The following LSM14A variants were observed in gnomAD, a reference collection of about 807,000 sequenced individuals.
The protein encoded by LSM14A is LSM14A mRNA processing body assembly factor.
Under a neutral mutation model 52.4 loss-of-function variants are expected in LSM14A, and 14 were observed. That is an observed-to-expected ratio of 0.27 (90% CI 0.18 to 0.42). The LOEUF (loss-of-function observed/expected upper bound fraction) is 0.42, where lower values mean the gene tolerates loss of function less well. Among genes scored for constraint, LSM14A ranks in the 10% least tolerant of loss-of-function variants. The probability of loss-of-function intolerance (pLI) is 1.00; values close to 1 mark genes in which losing one functional copy is unlikely to be tolerated. For synonymous variants in LSM14A, 185 were observed against 200.3 expected (o/e 0.92, Z 0.64); for missense variants, 417 against 581.8 (o/e 0.72, Z 2.91).
chr19:34,199,743 C>T (rs1568485181), intron 3 of LSM14A, among the ~76,000 whole-genome samples: 2 of 152,000 alleles, frequency 1.3e-5, no homozygotes, highest in African/African-American at 4.8e-5. Flanking sequence ...AACAAGGGCC[C>T]ATTGAAAAAC....
chr19:34,173,579 T>C (rs2068869441), intron 1 of LSM14A, among the ~76,000 whole-genome samples: 2 of 152,160 alleles, frequency 1.3e-5, no homozygotes, highest in Admixed American at 6.5e-5. Flanking sequence ...ACCCACAGTG[T>C]TAATATTTGG....
intron 8 of LSM14A, 142 bp downstream of exon 8, chr19:34,220,019 G>A (rs2145872384): frequency 1.5e-6 from 1 of 657,994 alleles, no homozygotes; most frequent in Middle Eastern, 4.2e-4. Flanking sequence ...ACTCAGGCTG[G>A]AGAGCAGCAG....
intron 1 of LSM14A, among the ~76,000 whole-genome samples, chr19:34,179,390 C>A (rs1030574699): frequency 3.9e-5 from 6 of 152,120 alleles, no homozygotes; most frequent in African/African-American, 1.4e-4. Context: ...TATTTGATTT[C>A]TTGCATTACT....
intron 1 of LSM14A, among the ~76,000 whole-genome samples, chr19:34,192,038 A>AT (rs559556355): frequency 6.8e-4 from 103 of 152,220 alleles, no homozygotes; most frequent in Middle Eastern, 3.4e-3. Context: ...GGCAGAGGAT[A>AT]CTTACGTATG....
intron 1 of LSM14A, among the ~76,000 whole-genome samples, chr19:34,186,885 C>G (rs1158915853): frequency 2.6e-5 from 4 of 152,112 alleles, no homozygotes; most frequent in Non-Finnish European, 4.4e-5. Context: ...ATTCAACAGA[C>G]TCGTTTCTTT....
chr19:34,196,589 C>T (rs2070855908), intron 2 of LSM14A, 45 bp from the exon 3 acceptor site: 11 of 1,529,768 alleles, frequency 7.2e-6, no homozygotes, highest in Middle Eastern at 2.2e-4. Context: ...TCGTTATATA[C>T]ATGTTGCTTA....
At chr19:34,217,619 G>GTTT (rs34613927) in intron 6 of LSM14A, among the ~76,000 whole-genome samples, 10 of 13,768 alleles carry the variant, frequency 7.3e-4, no homozygotes, top group East Asian at 2.4e-3. Flanking sequence ...CCCCCCCCGT[G>GTTT]TTTTTTTTTT....
intron 4 of LSM14A, among the ~76,000 whole-genome samples, chr19:34,210,605 T>A (rs559568452): frequency 6.6e-6 from 1 of 151,556 alleles, no homozygotes; most frequent in East Asian, 1.9e-4. Context: ...CTAAAGATTG[T>A]TTGTTTGTTT....
intron 3 of LSM14A, among the ~76,000 whole-genome samples, chr19:34,206,996 CAG>C (rs2071748638): frequency 6.6e-6 from 1 of 152,150 alleles, no homozygotes; most frequent in Non-Finnish European, 1.5e-5. Flanking sequence ...ATACTTAAAA[CAG>C]AGTACCAAGA....
intron 2 of LSM14A, among the ~76,000 whole-genome samples, chr19:34,195,593 A>G (rs2070774376): frequency 1.3e-5 from 2 of 152,232 alleles, no homozygotes; most frequent in Admixed American, 1.3e-4. Context: ...TTGTTGCAGC[A>G]TAAGCTGGAG....
At chr19:34,194,891 TGAAGGCTACTCTGTA>T (rs2070727867) in intron 2 of LSM14A, among the ~76,000 whole-genome samples, 1 of 152,208 alleles carries the variant, frequency 6.6e-6, no homozygotes, top group African/African-American at 2.4e-5. Context: ...TAGCTAACAT[TGAAGGCTACTCTGTA>T]GAAGTGCTGT....
intron 1 of LSM14A, among the ~76,000 whole-genome samples, chr19:34,178,197 G>C (rs1380294374): frequency 7.6e-6 from 1 of 132,112 alleles, no homozygotes; most frequent in Non-Finnish European, 1.7e-5. Flanking sequence ...ATAATAATCT[G>C]TTTTCTCTTT....
At chr19:34,176,490 A>G (rs1021867988) in intron 1 of LSM14A, among the ~76,000 whole-genome samples, 2 of 152,254 alleles carry the variant, frequency 1.3e-5, no homozygotes, top group African/African-American at 4.8e-5. Context: ...TAAGCTAGAT[A>G]TAAATGTTCT....
chr19:34,172,521 C>A lies in LSM14A; in HGVS notation c.-122C>A, dbSNP rs1029887625. The A allele has an allele frequency of 8.8e-7, 1 of 1,140,834 alleles. No homozygotes were observed. The highest frequency in any genetic ancestry group is 1.6e-5 in the African/African-American group (1 of 61,610). 70.7% of individuals were successfully genotyped at this position (1,140,834 alleles called of 1,614,324 possible). A position where few individuals can be genotyped will look rare whatever the true frequency, so the allele number is the denominator to read the frequency against. ...GGGAGGGTAGCGGAGCCGGCGCCGCCGCCATGTTGGGTCTGAAGCGGCTGC... is the reference window on the plus strand; with the variant it reads ...GGGAGGGTAGCGGAGCCGGCGCCGCAGCCATGTTGGGTCTGAAGCGGCTGC... On this transcript the variant is annotated 5_prime_UTR_variant, in exon 1 of 10. Coordinates refer to ENST00000544216, the MANE Select transcript of LSM14A (RefSeq NM_015578.4).
At chr19:34,179,951 A>G (rs2069358447) in intron 1 of LSM14A, among the ~76,000 whole-genome samples, 1 of 152,186 alleles carries the variant, frequency 6.6e-6, no homozygotes, top group African/African-American at 2.4e-5. Flanking sequence ...GTTTTGAGAC[A>G]AGAGTCTCAC....
At chr19:34,220,845 CAA>C (rs757271554) in intron 8 of LSM14A, among the ~76,000 whole-genome samples, 56 of 152,276 alleles carry the variant, frequency 3.7e-4, no homozygotes, top group South Asian at 1.0e-3. Flanking sequence ...CTTCCCAAGA[CAA>C]GGCCTCCCTG....
At position 34,193,729 on chromosome 19, in the gene LSM14A, A is replaced by G. The variant is rs796164509; in HGVS notation, c.122-749A>G. On this transcript the variant is annotated intron_variant, in intron 1 of 9. Transcript: ENST00000544216. The stretch of plus-strand genomic sequence containing the variant: ...CTTACTGCTCAGCAAGGTAAATGTT[A>G]TTAATACCTTCATTGCTCTCTGTGT... 5.9e-5 allele frequency among the ~76,000 whole-genome samples: 9 copies of G among 152,292 alleles called. 1 individual carries two copies. Among genetic ancestry groups the G allele is most frequent in the African/African-American group, 2.2e-4 (9 of 41,554 alleles).
intron 1 of LSM14A, among the ~76,000 whole-genome samples, chr19:34,175,978 G>C (rs1004142473): frequency 1.3e-5 from 2 of 151,852 alleles, no homozygotes; most frequent in Non-Finnish European, 1.5e-5. Flanking sequence ...ACAGCCTTCC[G>C]AGTAGCTGGG....
intron 3 of LSM14A, 53 bp from the exon 4 acceptor site, chr19:34,208,873 GAAT>G: frequency 7.9e-7 from 1 of 1,261,530 alleles, no homozygotes; most frequent in Non-Finnish European, 1.1e-6. Context: ...TTATATCATT[GAAT>G]AATGTCAAAC....
Sources: allele counts gnomAD v4.1 joint callset (sites outside exome capture counted in the v4.1 genomes callset), GRCh38; gene constraint gnomAD v4.1.1; transcripts MANE v1.5; gene names NCBI Gene and HGNC (gene_info 2026-07-23, HGNC 2026-07-21).